The following PLCL2 variants were observed in gnomAD, a reference collection of about 807,000 sequenced individuals.
PLCL2 encodes inactive phospholipase C-like protein 2.
PLCL2 carries 4 observed loss-of-function variants against 79.6 expected under a neutral mutation model. That is an observed-to-expected ratio of 0.05 (90% CI 0.02 to 0.11). The LOEUF (loss-of-function observed/expected upper bound fraction) is 0.11. Ranked by LOEUF, PLCL2 falls within the 10% of genes least tolerant of loss-of-function variation. The pLI, the probability that PLCL2 is intolerant of heterozygous loss-of-function variation, is 1.00. For synonymous variants in PLCL2, 484 were observed against 457.7 expected, an observed-to-expected ratio of 1.06 and a Z score of -0.73; for missense variants, 895 against 1,291.0, an observed-to-expected ratio of 0.69 and a Z score of 4.70.
intron 4 of PLCL2, among the ~76,000 whole-genome samples, chr3:17,050,776 C>G (rs1057327152): frequency 6.6e-6 from 1 of 152,138 alleles, no homozygotes; most frequent in Admixed American, 6.5e-5. Context: ...ACCATATGAT[C>G]GAGCAATCCC....
At chr3:16,922,094 A>G (rs1697137302) in intron 1 of PLCL2, among the ~76,000 whole-genome samples, 1 of 152,154 alleles carries the variant, frequency 6.6e-6, no homozygotes, top group Non-Finnish European at 1.5e-5. Context: ...AATAGTTATG[A>G]ACTTTTAAAA....
intron 1 of PLCL2, among the ~76,000 whole-genome samples, chr3:17,008,518 C>G (rs2064285489): frequency 6.6e-6 from 1 of 151,988 alleles, no homozygotes; most frequent in Non-Finnish European, 1.5e-5. Context: ...GATGTAAATT[C>G]CTGGGCACCA....
At chr3:17,081,146 G>C (rs2065158518) in intron 5 of PLCL2, 1 of 456,374 alleles carries the variant, frequency 2.2e-6, no homozygotes, top group Non-Finnish European at 4.4e-6. Flanking sequence ...ATCAGTGAAG[G>C]TATCTAAATT....
At chr3:16,979,028 A>T (rs1380027740) in intron 1 of PLCL2, among the ~76,000 whole-genome samples, 4 of 152,168 alleles carry the variant, frequency 2.6e-5, no homozygotes, top group Non-Finnish European at 5.9e-5. Context: ...CAGCACCAGC[A>T]ATTTGTTTTT....
intron 1 of PLCL2, among the ~76,000 whole-genome samples, chr3:16,898,942 G>A (rs944883822): frequency 3.3e-5 from 5 of 152,096 alleles, no homozygotes; most frequent in Admixed American, 6.5e-5. Context: ...GGGGGAGGGG[G>A]TTGCGGGGAC....
chr3:17,012,306 G>T (rs115008245), intron 2 of PLCL2, 146 bp downstream of exon 2: 3 of 688,294 alleles, frequency 4.4e-6, no homozygotes, highest in East Asian at 5.7e-5. Flanking sequence ...CCACTAGTCT[G>T]TTTTTTATCA....
chr3:16,982,150 C>T (rs1372279964), intron 1 of PLCL2, among the ~76,000 whole-genome samples: 1 of 152,156 alleles, frequency 6.6e-6, no homozygotes, highest in Admixed American at 6.5e-5. Flanking sequence ...ATGTATGGCA[C>T]CTGGGAGACA....
chr3:17,079,604 C>G (rs566636682), intron 5 of PLCL2, among the ~76,000 whole-genome samples: 1 of 152,310 alleles, frequency 6.6e-6, no homozygotes, highest in South Asian at 2.1e-4. Flanking sequence ...GCCGTCCTTT[C>G]CTGCCCTGAG....
At chr3:16,936,726 C>CT (rs1011944920) in intron 1 of PLCL2, among the ~76,000 whole-genome samples, 1 of 151,634 alleles carries the variant, frequency 6.6e-6, no homozygotes, top group African/African-American at 2.4e-5. Context: ...TTTGTCAATA[C>CT]TTTTTTTTCA....
intron 3 of PLCL2, among the ~76,000 whole-genome samples, chr3:17,034,933 G>A (rs1321856932): frequency 1.3e-5 from 2 of 152,018 alleles, no homozygotes; most frequent in African/African-American, 2.4e-5. Flanking sequence ...CTCTGTACAC[G>A]CCTGTAAATG....
chr3:16,912,865 A>G (rs1194302146), intron 1 of PLCL2, among the ~76,000 whole-genome samples: 1 of 152,098 alleles, frequency 6.6e-6, no homozygotes, highest in Admixed American at 6.5e-5. Context: ...GCCTCCTCCC[A>G]CCAGCTGACT....
intron 1 of PLCL2, among the ~76,000 whole-genome samples, chr3:16,915,046 A>G (rs1696961859): frequency 6.6e-6 from 1 of 152,212 alleles, no homozygotes; most frequent in Admixed American, 6.5e-5. Flanking sequence ...ATATTTGTAT[A>G]AATTGAAAGA....
intron 1 of PLCL2, among the ~76,000 whole-genome samples, chr3:16,985,055 G>A (rs1265600813): frequency 6.6e-6 from 1 of 152,052 alleles, no homozygotes. Context: ...CCTGATTTCT[G>A]GGCATAGGAT....
intron 1 of PLCL2, among the ~76,000 whole-genome samples, chr3:16,911,664 T>C (rs1461285198): frequency 1.3e-5 from 2 of 152,210 alleles, no homozygotes; most frequent in Non-Finnish European, 2.9e-5. Flanking sequence ...ACAACTCAAA[T>C]GGTGAAGAGG....
At chr3:16,893,131 C>T (rs1349510928) in intron 1 of PLCL2, among the ~76,000 whole-genome samples, 1 of 152,180 alleles carries the variant, frequency 6.6e-6, no homozygotes, top group East Asian at 1.9e-4. Flanking sequence ...AACCATAGTC[C>T]TGCCCATCGT....
chr3:17,019,703 TAAAGA>T (rs1349335209), intron 3 of PLCL2, among the ~76,000 whole-genome samples: 1 of 152,188 alleles, frequency 6.6e-6, no homozygotes, highest in Non-Finnish European at 1.5e-5. Flanking sequence ...GCACTTAAAA[TAAAGA>T]AAACTGTAAT....
chr3:17,051,053 C>A (rs2064833776), intron 4 of PLCL2, among the ~76,000 whole-genome samples: 1 of 152,018 alleles, frequency 6.6e-6, no homozygotes, highest in South Asian at 2.1e-4. Context: ...GAAAGACAAA[C>A]ATCACATGTT....
intron 3 of PLCL2, among the ~76,000 whole-genome samples, chr3:17,034,812 G>C (rs1288754785): frequency 6.6e-6 from 1 of 152,158 alleles, no homozygotes; most frequent in East Asian, 1.9e-4. Context: ...TTTCCAAGAA[G>C]CTGTCCATGT....
Position 16,943,815 on chromosome 3 carries a change from G to A in PLCL2, c.327+58449G>A, listed in dbSNP as rs543455687. Reference sequence around the variant, plus strand: ...TGTTTAGGTTGTTTCTATTTTTTTAGCATTATAAAATAATTTTCTAATTAA... The same window carrying A: ...TGTTTAGGTTGTTTCTATTTTTTTAACATTATAAAATAATTTTCTAATTAA... On this transcript the variant is annotated intron_variant, in intron 1 of 5. Transcript: ENST00000615277. 1.8e-4 allele frequency among the ~76,000 whole-genome samples: 28 copies of A among 152,190 alleles called. No homozygotes were observed. In the South Asian group the frequency reaches 5.8e-3, roughly 32 times the overall value.
Sources: gnomAD v4.1 joint callset for allele counts (sites outside exome capture counted in the v4.1 genomes callset) on GRCh38, gnomAD v4.1.1 for gene constraint, MANE v1.5 for transcripts, NCBI Gene and HGNC (gene_info 2026-07-23, HGNC 2026-07-21) for gene names.